The following PACSIN2 variants were observed in gnomAD, a reference collection of about 807,000 sequenced individuals.
PACSIN2 encodes protein kinase C and casein kinase substrate in neurons protein 2.
In PACSIN2, 25 loss-of-function variants were observed where a neutral mutation model predicts 63.8. The ratio of observed to expected loss-of-function variants is 0.39; its 90% CI spans 0.29 to 0.55. The LOEUF is 0.55. Ranked by LOEUF, PACSIN2 falls within the 20% of genes least tolerant of loss-of-function variation. The pLI is 0.62. For synonymous variants in PACSIN2, 255 were observed against 256.2 expected (o/e 1.00, Z 0.05); for missense variants, 518 against 646.9 (o/e 0.80, Z 2.16).
intron 1 of PACSIN2, among the ~76,000 whole-genome samples, chr22:42,912,730 G>A (rs1421286082): frequency 6.6e-6 from 1 of 152,180 alleles, no homozygotes; most frequent in Non-Finnish European, 1.5e-5. Flanking sequence ...CTGTTGGAGG[G>A]AAGAAACTGA....
At position 42,871,606 on chromosome 22, in the gene PACSIN2, A is replaced by C; in HGVS notation, c.1349-137T>G. The C allele has an allele frequency of 1.4e-6, 1 of 690,734 alleles. No individual in the cohort carries two copies. The highest frequency in any genetic ancestry group is 2.6e-6 in the Non-Finnish European group (1 of 384,688). The allele number at this position is 690,734 out of a possible 1,614,324, so 42.8% of individuals were successfully genotyped here. A position where few individuals can be genotyped will look rare whatever the true frequency, so the allele number is the denominator to read the frequency against. On this transcript the variant is annotated intron_variant, in intron 10 of 10. Transcript: ENST00000263246. This position sits in a 1 kb window ranked among gnomAD's most constrained non-coding sequence, Gnocchi z 5.4. Reference sequence around the variant, plus strand: ...TGGCGGGCAGGCCGAGGGCCTGGTCATTTCTCTACTAAATGCATGCATTTT... The same window carrying C: ...TGGCGGGCAGGCCGAGGGCCTGGTCCTTTCTCTACTAAATGCATGCATTTT...
rs776443473 is a variant in PACSIN2, at chr22:42,893,543, C to A, written c.131G>T (p.Cys44Phe). ...GHRLCSDLMN[C>F]LHERARIEKA... is the part of the protein sequence containing the mutation. ...CTCGATGCGCGCCCGCTCATGCAGG[C>A]AGTTCATGAGGTCGCTGCACAGGCG... Residue 44 changes from cysteine (C) to phenylalanine (F), a missense_variant, in exon 3 of 11, where the codon TGC (cysteine) becomes TTC (phenylalanine). Around this residue, in one of 2 missense-constraint regions of PACSIN2, gnomAD observed 507 missense variants for 612.3 expected, o/e 0.83. Transcript: ENST00000263246. The A allele has an allele frequency of 1.9e-6, 3 of 1,614,158 alleles. No individual in the cohort carries two copies. Among genetic ancestry groups the A allele is most frequent in the Non-Finnish European group, 1.7e-6 (2 of 1,180,032 alleles).
chr22:42,940,089 G>T (rs899009483), intron 1 of PACSIN2, among the ~76,000 whole-genome samples: 4 of 152,160 alleles, frequency 2.6e-5, no homozygotes, highest in African/African-American at 9.7e-5. Flanking sequence ...TCCTCCGAAG[G>T]CTGTAGGCAG....
At chr22:42,892,690 T>C (rs1400292679) in intron 3 of PACSIN2, among the ~76,000 whole-genome samples, 1 of 152,138 alleles carries the variant, frequency 6.6e-6, no homozygotes, top group Non-Finnish European at 1.5e-5. Context: ...AAACAACCCA[T>C]GTCAGCATCA....
chr22:42,973,999 T>C (rs1314357917), intron 1 of PACSIN2, among the ~76,000 whole-genome samples: 1 of 152,200 alleles, frequency 6.6e-6, no homozygotes, highest in Non-Finnish European at 1.5e-5. Context: ...AGCTGTGGAA[T>C]CGCAATTCAA....
rs568174369 is a variant in PACSIN2 at position 42,977,402 on chromosome 22, AG to A, written c.-78+37618del. On this transcript the variant is annotated intron_variant, in intron 1 of 10. Transcript: ENST00000263246. Reference sequence around the variant, plus strand: ...ATGGAATTCACAGAAGAAAAAATAAAGAAAAAAGGTGAAATGGTGCTCAACC... The same window carrying A: ...ATGGAATTCACAGAAGAAAAAATAAAAAAAAAGGTGAAATGGTGCTCAACC... 2.0e-5 allele frequency among the ~76,000 whole-genome samples: 3 copies of A among 152,334 alleles called. No homozygotes were observed. In the East Asian group the frequency reaches 5.8e-4, roughly 29 times the overall value.
chr22:42,889,416 CTTAT>C (rs1162322740), intron 4 of PACSIN2, among the ~76,000 whole-genome samples: 1 of 68,682 alleles, frequency 1.5e-5, no homozygotes, highest in Non-Finnish European at 3.1e-5. Context: ...CAGATCCTTC[CTTAT>C]TTGAGCCAAA....
intron 7 of PACSIN2, among the ~76,000 whole-genome samples, chr22:42,881,837 ATCCCACAGG>A (rs1196662516): frequency 6.6e-6 from 1 of 151,976 alleles, no homozygotes; most frequent in African/African-American, 2.4e-5. Context: ...CTTCCTGGCC[ATCCCACAGG>A]GTGGGTCAGG....
intron 1 of PACSIN2, among the ~76,000 whole-genome samples, chr22:42,963,126 G>A (rs908568985): frequency 1.3e-5 from 2 of 152,148 alleles, no homozygotes; most frequent in Non-Finnish European, 1.5e-5. Flanking sequence ...GGAAACCATT[G>A]GACATTCATT....
chr22:43,003,589 C>A (rs1923905529), intron 1 of PACSIN2, among the ~76,000 whole-genome samples: 1 of 152,178 alleles, frequency 6.6e-6, no homozygotes, highest in Admixed American at 6.5e-5. Flanking sequence ...GGCGACAGAG[C>A]AAGACTCTGT....
At chr22:42,928,094 T>C (rs1016292210) in intron 1 of PACSIN2, among the ~76,000 whole-genome samples, 11 of 152,166 alleles carry the variant, frequency 7.2e-5, no homozygotes, top group Non-Finnish European at 1.3e-4. Flanking sequence ...GAAGAACCTC[T>C]GGATACAGTT....
chr22:42,889,708 G>GGGGGGCGAGGCTGCAGGC (rs1306464528), intron 4 of PACSIN2, among the ~76,000 whole-genome samples: 5 of 152,172 alleles, frequency 3.3e-5, no homozygotes, highest in Admixed American at 2.6e-4. Flanking sequence ...AGCTAGGAAT[G>GGGGGGCGAGGCTGCAGGC]GGGGGCGAGG....
intron 1 of PACSIN2, among the ~76,000 whole-genome samples, chr22:42,928,187 C>G (rs943174227): frequency 6.6e-6 from 1 of 152,192 alleles, no homozygotes; most frequent in Non-Finnish European, 1.5e-5. Context: ...CGGGAACACA[C>G]CCGGAGAGGC....
intron 1 of PACSIN2, among the ~76,000 whole-genome samples, chr22:42,974,565 A>G (rs555973451): frequency 6.6e-6 from 1 of 152,146 alleles, no homozygotes; most frequent in Admixed American, 6.5e-5. Flanking sequence ...CATGGCCAAC[A>G]TGGTGAAACC....
chr22:42,891,321 G>C (rs562876408), intron 3 of PACSIN2, 139 bp from the exon 4 acceptor site: 21 of 613,826 alleles, frequency 3.4e-5, no homozygotes, highest in African/African-American at 3.3e-4. Flanking sequence ...TTCTCTCAGG[G>C]ACTCTGTGCC....
intron 8 of PACSIN2, among the ~76,000 whole-genome samples, chr22:42,877,330 C>T (rs1253571890): frequency 6.6e-6 from 1 of 152,114 alleles, no homozygotes; most frequent in Admixed American, 6.5e-5. Flanking sequence ...TTTCCAGGTT[C>T]AGGGCTTCTC....
At chr22:42,878,236 C>T (rs970588693) in intron 8 of PACSIN2, among the ~76,000 whole-genome samples, 7 of 152,230 alleles carry the variant, frequency 4.6e-5, no homozygotes, top group Non-Finnish European at 8.8e-5. Flanking sequence ...GGCCTGATCC[C>T]TGGGACAGGC....
intron 1 of PACSIN2, among the ~76,000 whole-genome samples, chr22:43,001,165 G>A (rs1923743096): frequency 6.6e-6 from 1 of 152,222 alleles, no homozygotes; most frequent in Admixed American, 6.5e-5. Flanking sequence ...CAAGTCTAGG[G>A]CAGCTGAGCA....
At chr22:42,920,661 A>G (rs7364152) in intron 1 of PACSIN2, among the ~76,000 whole-genome samples, 102,234 of 151,952 alleles carry the variant, frequency 0.67, 36,707 homozygotes, top group African/African-American at 0.92. Context: ...GGTGTGCACC[A>G]GGAGAAGAAA....
Sources: allele counts gnomAD v4.1 joint callset (sites outside exome capture counted in the v4.1 genomes callset), GRCh38; gene constraint gnomAD v4.1.1; regional missense constraint gnomAD v4.1.1; non-coding constraint Gnocchi (gnomAD v3.1); transcripts MANE v1.5; gene names NCBI Gene and HGNC (gene_info 2026-07-23, HGNC 2026-07-21).